CSMD1: variants seen among roughly 807,000 people sequenced by gnomAD.
CSMD1 encodes CUB and sushi domain-containing protein 1.
In CSMD1, 213 loss-of-function variants were observed where a neutral mutation model predicts 417.5. That is an observed-to-expected ratio of 0.51 (90% CI 0.46 to 0.57). The LOEUF is 0.57. CSMD1 is among the 20% of genes least tolerant of loss of function. The pLI, the probability that CSMD1 is intolerant of heterozygous loss-of-function variation, is 0.00. For missense variants in CSMD1, 6,923 were observed against 4,529.7 expected (o/e 1.53, Z -15.17); for synonymous variants, 2,862 against 1,736.8 (o/e 1.65, Z -16.11).
chr8:4,575,096 C>A (rs1445481631), intron 2 of CSMD1, among the ~76,000 whole-genome samples: 1 of 152,176 alleles, frequency 6.6e-6, no homozygotes, highest in Non-Finnish European at 1.5e-5. Context: ...CCAAAATGCA[C>A]TAACATGTAA....
chr8:4,057,836 A>G (rs1798775582), intron 3 of CSMD1, among the ~76,000 whole-genome samples: 1 of 152,148 alleles, frequency 6.6e-6, no homozygotes, highest in African/African-American at 2.4e-5. Flanking sequence ...CAAAGATCAG[A>G]TAGTTGTAGA....
intron 5 of CSMD1, among the ~76,000 whole-genome samples, chr8:3,774,294 T>C (rs554830228): frequency 1.3e-5 from 2 of 152,280 alleles, no homozygotes; most frequent in African/African-American, 2.4e-5. Context: ...TTCCAATGTG[T>C]TCCCAGAGCA....
intron 2 of CSMD1, among the ~76,000 whole-genome samples, chr8:4,580,200 G>A (rs990011648): frequency 6.7e-4 from 102 of 152,324 alleles, no homozygotes; most frequent in African/African-American, 2.3e-3. Context: ...TCTAGCCTGA[G>A]CTTGCCCCCT....
At chr8:4,655,055 A>G (rs545790892) in intron 1 of CSMD1, among the ~76,000 whole-genome samples, 1 of 152,000 alleles carries the variant, frequency 6.6e-6, no homozygotes, top group Non-Finnish European at 1.5e-5. Context: ...AAAAGCTTAA[A>G]TCTTTGTAAA....
In CSMD1 at chr8:3,343,431, C is replaced by T. The variant is rs752997266; in HGVS notation, c.3494G>A (p.Ser1165Asn). ...GAACGTGCCCAGTGGACGTGAGGAA[C>T]TGTCTTTTCCATCATATACCTGATG... is the stretch of plus-strand genomic sequence containing the variant. ...DTLKVYDGKD[S>N]SSRPLGTFTK... The change falls in exon 23 of 70, where the codon AGT (serine) becomes AAT (asparagine). Residue 1165 changes from serine (S) to asparagine (N), a missense_variant. Transcript: ENST00000635120. 3 of 1,613,744 alleles carry T rather than the reference C, an allele frequency of 1.9e-6. No individual in the cohort carries two copies. Among genetic ancestry groups the T allele is most frequent in the Non-Finnish European group, 2.5e-6 (3 of 1,179,714 alleles).
At chr8:4,134,742 T>A (rs2552164) in intron 3 of CSMD1, among the ~76,000 whole-genome samples, 27,433 of 152,182 alleles carry the variant, frequency 0.18, 2,677 homozygotes, top group East Asian at 0.3. Context: ...CCTCCTGACA[T>A]TCATGTCTCC....
chr8:4,440,098 GAA>G (rs1383273521), intron 2 of CSMD1, among the ~76,000 whole-genome samples: 1 of 152,122 alleles, frequency 6.6e-6, no homozygotes, highest in Non-Finnish European at 1.5e-5. Flanking sequence ...TAGGATATTG[GAA>G]AAGAGGAACT....
intron 7 of CSMD1, among the ~76,000 whole-genome samples, chr8:3,692,053 G>A (rs1175572815): frequency 6.6e-6 from 1 of 152,130 alleles, no homozygotes; most frequent in Non-Finnish European, 1.5e-5. Context: ...CGATCTGCCT[G>A]CTCCGGGTGA....
chr8:4,577,528 A>C (rs1799195475), intron 2 of CSMD1, among the ~76,000 whole-genome samples: 1 of 152,082 alleles, frequency 6.6e-6, no homozygotes, highest in South Asian at 2.1e-4. Context: ...GCCCATCCAC[A>C]GGCTCCAGTG....
chr8:4,769,865 C>G (rs920488053), intron 1 of CSMD1, among the ~76,000 whole-genome samples: 1 of 152,084 alleles, frequency 6.6e-6, no homozygotes, highest in Non-Finnish European at 1.5e-5. Flanking sequence ...ATATATGCAT[C>G]CCACCACTAA....
intron 5 of CSMD1, among the ~76,000 whole-genome samples, chr8:3,960,415 A>G (rs1422371493): frequency 6.6e-6 from 1 of 152,210 alleles, no homozygotes; most frequent in Non-Finnish European, 1.5e-5. Context: ...ACAGAAGACT[A>G]GATAGTCCCT....
At chr8:4,250,403 G>C (rs552322346) in intron 3 of CSMD1, among the ~76,000 whole-genome samples, 2 of 152,200 alleles carry the variant, frequency 1.3e-5, no homozygotes, top group Non-Finnish European at 2.9e-5. Flanking sequence ...TGCTGGTTGA[G>C]GATCCAATAT....
chr8:3,797,989 A>C (rs146212786), intron 5 of CSMD1, among the ~76,000 whole-genome samples: 86 of 152,072 alleles, frequency 5.7e-4, no homozygotes, highest in African/African-American at 1.1e-3. Context: ...TTCAACGTGC[A>C]TTTCCTTGAA....
intron 1 of CSMD1, among the ~76,000 whole-genome samples, chr8:4,841,930 A>AAC (rs1554499186): frequency 8.2e-6 from 1 of 122,426 alleles, no homozygotes; most frequent in Non-Finnish European, 1.7e-5. Context: ...AAAAAAAAAA[A>AAC]AAAAAAAAGT....
chr8:4,018,592 C>T (rs989100628), intron 4 of CSMD1, among the ~76,000 whole-genome samples: 1 of 152,216 alleles, frequency 6.6e-6, no homozygotes, highest in African/African-American at 2.4e-5. Context: ...AACCAGCACC[C>T]CCTGCCCCAC....
At chr8:3,960,027 A>T (rs1444189502) in intron 5 of CSMD1, among the ~76,000 whole-genome samples, 1 of 152,220 alleles carries the variant, frequency 6.6e-6, no homozygotes, top group East Asian at 1.9e-4. Flanking sequence ...AGCCTTTGCA[A>T]GGAGCCTTCT....
intron 36 of CSMD1, among the ~76,000 whole-genome samples, chr8:3,184,802 C>G (rs1289565814): frequency 6.6e-6 from 1 of 152,132 alleles, no homozygotes; most frequent in Non-Finnish European, 1.5e-5. Context: ...GAGTCCTTGA[C>G]TCCTTACTTC....
chr8:3,110,424 A>C (rs1816434026), intron 42 of CSMD1, 89 bp from the exon 43 acceptor site: 1 of 1,118,252 alleles, frequency 8.9e-7, no homozygotes, highest in African/African-American at 1.6e-5. Flanking sequence ...TACCTTAGCC[A>C]ACATTTTTCC....
intron 1 of CSMD1, among the ~76,000 whole-genome samples, chr8:4,874,843 A>G (rs1802951172): frequency 6.7e-6 from 1 of 149,276 alleles, no homozygotes; most frequent in Non-Finnish European, 1.5e-5. Context: ...TGGTTTATAT[A>G]TATATAATAT....
Sources: allele counts gnomAD v4.1 joint callset (sites outside exome capture counted in the v4.1 genomes callset), GRCh38; gene constraint gnomAD v4.1.1; transcripts MANE v1.5; gene names NCBI Gene and HGNC (gene_info 2026-07-23, HGNC 2026-07-21).